NDST1: variants seen among roughly 807,000 people sequenced by gnomAD.
NDST1 encodes the protein bifunctional heparan sulfate N-deacetylase/N-sulfotransferase 1.
In NDST1, 35 loss-of-function variants were observed where a neutral mutation model predicts 92.8. The observed-to-expected ratio is 0.38, with a 90% CI of 0.29 to 0.50. The LOEUF is 0.50. NDST1 is among the 20% of genes least tolerant of loss of function. The pLI, the probability that NDST1 is intolerant of heterozygous loss-of-function variation, is 0.94. For synonymous variants in NDST1, 493 were observed against 500.3 expected, an observed-to-expected ratio of 0.99 and a Z score of 0.19; for missense variants, 822 against 1,182.7, an observed-to-expected ratio of 0.69 and a Z score of 4.47.
At chr5:150,501,615 G>GT (rs1209786680) in intron 1 of NDST1, among the ~76,000 whole-genome samples, 1 of 152,140 alleles carries the variant, frequency 6.6e-6, no homozygotes, top group East Asian at 1.9e-4. Context: ...GTTCAGATGA[G>GT]GGAGACAATA....
intron 10 of NDST1, among the ~76,000 whole-genome samples, chr5:150,543,663 A>G (rs564586449): frequency 3.9e-5 from 6 of 152,326 alleles, no homozygotes; most frequent in South Asian, 2.1e-4. Context: ...TGAACACCCA[A>G]TCATCACGTG....
chr5:150,510,047 A>G (rs1459169537), intron 1 of NDST1, among the ~76,000 whole-genome samples: 2 of 140,176 alleles, frequency 1.4e-5, no homozygotes, highest in Admixed American at 7.0e-5. Flanking sequence ...CAGAAGGGTA[A>G]CGAACAGGGG....
In NDST1 at chr5:150,549,768, G is replaced by T. The variant is rs1370569502; in HGVS notation, c.2407G>T (p.Asp803Tyr). 1 of 1,611,482 alleles carries T rather than the reference G, an allele frequency of 6.2e-7. No individual in the cohort carries two copies. The highest frequency in any genetic ancestry group is 8.5e-7 in the Non-Finnish European group (1 of 1,177,694). Residue 803 changes from aspartate to tyrosine, a missense_variant, in exon 13 of 15, where the codon GAC becomes TAC. By Grantham distance (160) the Asp-to-Tyr change is radical. Coordinates refer to ENST00000261797, the MANE Select transcript of NDST1 (RefSeq NM_001543.5). ...GTTCCTTGGGGTGACCAACACCATT[G>T]ACTACCACAAAACCTTGGCGTGAGT... is the stretch of plus-strand genomic sequence containing the variant. ...QKFLGVTNTI[D>Y]YHKTLAFDPK...
rs1344546460 is a variant in NDST1, at chr5:150,525,786, T to C, written c.514-2018T>C. Among the ~76,000 whole-genome samples the C allele has an allele frequency of 2.0e-5, 3 of 152,286 alleles. No homozygotes were observed. The East Asian group carries it at 5.8e-4, about 29-fold the overall frequency. ...CGCCACTGACCTGCGCACCCCTGTG[T>C]GTGCTCCCTGAGCAGCTCTCCTGGG... is the stretch of plus-strand genomic sequence containing the variant. On this transcript the variant is annotated intron_variant, in intron 2 of 14. Transcript: ENST00000261797.
rs2273234 is a variant in NDST1, at chr5:150,528,040, A to C, written c.750A>C (p.Pro250=). ...AGACGCGCTCGTCTGAGTCCATCCC[A>C]CACCTGGGCGCAGACGCCGGCCTGC... ...LAKTRSSESI[P]HLGADAGLHA... The change falls in exon 3 of 15, where the codon CCA becomes CCC. Residue 250 remains proline (P), a synonymous_variant. Coordinates refer to ENST00000261797, the MANE Select transcript of NDST1 (RefSeq NM_001543.5). 2.5e-6 allele frequency: 4 copies of C among 1,612,702 alleles called. No homozygotes were observed. The African/African-American group carries it at 5.3e-5, about 22-fold the overall frequency.
chr5:150,510,268 G>A (rs1379173645), intron 1 of NDST1, among the ~76,000 whole-genome samples: 1 of 152,232 alleles, frequency 6.6e-6, no homozygotes, highest in East Asian at 1.9e-4. Context: ...AACGTTGGCC[G>A]CCAGTAAGGG....
chr5:150,533,781 A>T (rs1581387970), intron 4 of NDST1, among the ~76,000 whole-genome samples: 1 of 152,228 alleles, frequency 6.6e-6, no homozygotes, highest in East Asian at 1.9e-4. Flanking sequence ...TATTCTTTTT[A>T]AAATTTTTTA....
chr5:150,506,051 T>C (rs576090709), upstream of NDST1, among the ~76,000 whole-genome samples: 2 of 152,158 alleles, frequency 1.3e-5, no homozygotes, highest in Non-Finnish European at 2.9e-5. Flanking sequence ...ATGAGGCAAG[T>C]GAGGCATCTA....
chr5:150,504,471 C>A (rs1372938152), upstream of NDST1, among the ~76,000 whole-genome samples: 1 of 152,178 alleles, frequency 6.6e-6, no homozygotes, highest in African/African-American at 2.4e-5. Context: ...TGTGGGCTCC[C>A]TAAGAGCTTT....
At chr5:150,530,357 C>G (rs979280321) in intron 3 of NDST1, among the ~76,000 whole-genome samples, 6 of 152,096 alleles carry the variant, frequency 3.9e-5, no homozygotes, top group Non-Finnish European at 1.5e-5. Flanking sequence ...GTAGATTGCT[C>G]TGTGTTCTAC....
intron 1 of NDST1, among the ~76,000 whole-genome samples, chr5:150,515,506 C>T (rs138436135): frequency 1.3e-3 from 191 of 152,146 alleles, no homozygotes; most frequent in Non-Finnish European, 1.0e-3. Flanking sequence ...GGAGAGGGGG[C>T]AGTGGTTGGT....
intron 1 of NDST1, among the ~76,000 whole-genome samples, chr5:150,516,654 C>G (rs1431961941): frequency 6.6e-6 from 1 of 152,072 alleles, no homozygotes; most frequent in Non-Finnish European, 1.5e-5. Flanking sequence ...GCTCTGAACT[C>G]CTTGAAATTA....
chr5:150,522,387 C>T (rs1051942830), intron 2 of NDST1, among the ~76,000 whole-genome samples: 3 of 151,688 alleles, frequency 2.0e-5, no homozygotes, highest in Non-Finnish European at 4.4e-5. Flanking sequence ...CCAGAATGAC[C>T]GCCGGGATTG....
rs1256826170 is a variant in NDST1, at chr5:150,520,758, C to T, written c.-387-110C>T. On this transcript the variant is annotated intron_variant, in intron 1 of 14. Transcript: ENST00000261797. ...TGCTCCAAATCATGCAACCTTGGTT[C>T]GGCAGCCGTACTTGCATTTGGGCAT... 3.5e-5 allele frequency: 14 copies of T among 395,136 alleles called. No homozygotes were observed. In the South Asian group the frequency reaches 9.9e-4, roughly 28 times the overall value. The allele number at this position is 395,136 out of a possible 1,614,324, so 24.5% of individuals were successfully genotyped here.
rs1237339798 is a variant in NDST1, at chr5:150,553,488, CG to C, written c.*158del. 9.3e-7 allele frequency: 1 copy of C among 1,079,600 alleles called. No homozygotes were observed. The highest frequency in any genetic ancestry group is 1.4e-6 in the Non-Finnish European group (1 of 720,550). The allele number at this position is 1,079,600 out of a possible 1,614,324, so 66.9% of individuals were successfully genotyped here. On this transcript the variant is annotated 3_prime_UTR_variant, in exon 15 of 15. Transcript: ENST00000261797. This position sits in a 1 kb window ranked among gnomAD's most constrained non-coding sequence, Gnocchi z 4.2. ...TGGTGGGGCTGGGGGAGCACCCAGG[CG>C]GATCTGCAAGCACCTCGGAGCACCC...
At chr5:150,507,713 G>A (rs968545648), upstream of NDST1, 9 of 152,564 alleles carry the variant, frequency 5.9e-5, no homozygotes, top group African/African-American at 1.9e-4. Context: ...GGAAACTGAG[G>A]TCTGGAGGGG....
At chr5:150,528,345 A>T (rs1466417434) in intron 3 of NDST1, 47 bp downstream of exon 3, 1 of 1,547,022 alleles carries the variant, frequency 6.5e-7, no homozygotes, top group Non-Finnish European at 8.8e-7. Flanking sequence ...GGGCCTGGCA[A>T]GCTTCAGCCT....
chr5:150,533,271 C>T (rs1372371079), intron 4 of NDST1, among the ~76,000 whole-genome samples: 5 of 152,238 alleles, frequency 3.3e-5, no homozygotes, highest in East Asian at 1.9e-4. Flanking sequence ...CCTGTCCTTT[C>T]GGGCTGAGCT....
At chr5:150,503,713 G>A (rs530424655), upstream of NDST1, among the ~76,000 whole-genome samples, 5 of 152,292 alleles carry the variant, frequency 3.3e-5, no homozygotes, top group African/African-American at 1.2e-4. Flanking sequence ...GAGAGCTGCG[G>A]GCCGGCCCTA....
Sources: gnomAD v4.1 joint callset for allele counts (sites outside exome capture counted in the v4.1 genomes callset) on GRCh38, gnomAD v4.1.1 for gene constraint, Gnocchi (gnomAD v3.1) non-coding constraint, MANE v1.5 for transcripts, NCBI Gene and HGNC (gene_info 2026-07-23, HGNC 2026-07-21) for gene names.